The following CNTNAP5 variants were observed in gnomAD, a reference collection of about 807,000 sequenced individuals.
CNTNAP5 encodes contactin associated protein family member 5, also known as contactin-associated protein-like 5.
CNTNAP5 carries 72 observed loss-of-function variants against 150.2 expected under a neutral mutation model. That is an observed-to-expected ratio of 0.48 (90% CI 0.40 to 0.58). CNTNAP5 has a LOEUF of 0.58. Ranked by LOEUF, CNTNAP5 falls within the 20% of genes least tolerant of loss-of-function variation. The pLI, the probability that CNTNAP5 is intolerant of heterozygous loss-of-function variation, is 0.00. For synonymous variants in CNTNAP5, 672 were observed against 619.8 expected, an observed-to-expected ratio of 1.08 and a Z score of -1.25; for missense variants, 1,636 against 1,626.2, an observed-to-expected ratio of 1.01 and a Z score of -0.10.
At chr2:124,275,948 T>C (rs1687873370) in intron 3 of CNTNAP5, among the ~76,000 whole-genome samples, 1 of 152,190 alleles carries the variant, frequency 6.6e-6, no homozygotes, top group Non-Finnish European at 1.5e-5. Flanking sequence ...CCTGCCAAGT[T>C]TGCTGCCAAT....
chr2:124,482,334 C>T (rs139740812), intron 7 of CNTNAP5, among the ~76,000 whole-genome samples: 179 of 152,190 alleles, frequency 1.2e-3, no homozygotes, highest in African/African-American at 4.3e-3. Context: ...TTATTATCCA[C>T]GTTTTATACC....
rs200770909 is a variant in CNTNAP5, at chr2:124,242,212, G to T, written c.200G>T (p.Trp67Leu). The stretch of plus-strand genomic sequence containing the variant: ...GATCCTGTTCCAGGAACTGGCGGTT[G>T]GTCCCCAGCAGATTCCAATGCTCAA... Reference protein sequence around the residue: ...QLNWRVGTGGWSPADSNAQQW... With the variant: ...QLNWRVGTGGLSPADSNAQQW... Residue 67 changes from tryptophan (W) to leucine (L), a missense_variant, in exon 3 of 24, where the codon TGG (tryptophan) becomes TTG (leucine). Coordinates refer to ENST00000682447, the MANE Select transcript of CNTNAP5 (RefSeq NM_001367498.1). The T allele has an allele frequency of 1.9e-6, 3 of 1,589,148 alleles. No homozygotes were observed. Among genetic ancestry groups the T allele is most frequent in the East Asian group, 2.3e-5 (1 of 43,642 alleles).
intron 7 of CNTNAP5, among the ~76,000 whole-genome samples, chr2:124,499,887 T>A (rs1694237237): frequency 6.6e-6 from 1 of 152,124 alleles, no homozygotes; most frequent in African/African-American, 2.4e-5. Flanking sequence ...AGATTTATAA[T>A]GAAAAATTGG....
Position 124,666,972 on chromosome 2 carries a change from G to A in CNTNAP5, c.2077+19014G>A, listed in dbSNP as rs536513198. On this transcript the variant is annotated intron_variant, in intron 13 of 23. Transcript: ENST00000682447. ...AGAACTAAAGGGAGACTATTACTCTGGACATTAAATACACATTTTATGATA... is the reference window on the plus strand; with the variant it reads ...AGAACTAAAGGGAGACTATTACTCTAGACATTAAATACACATTTTATGATA... Among the ~76,000 whole-genome samples, 5 of 152,230 alleles carry A rather than the reference G, an allele frequency of 3.3e-5. No individual in the cohort carries two copies. The South Asian group carries it at 1.0e-3, about 32-fold the overall frequency.
intron 1 of CNTNAP5, among the ~76,000 whole-genome samples, chr2:124,135,480 A>T (rs1391946403): frequency 6.6e-6 from 1 of 152,186 alleles, no homozygotes; most frequent in East Asian, 1.9e-4. Flanking sequence ...GCCCTGGATT[A>T]GTAAGAATGG....
At chr2:124,178,122 C>T (rs1402991057) in intron 1 of CNTNAP5, among the ~76,000 whole-genome samples, 1 of 152,144 alleles carries the variant, frequency 6.6e-6, no homozygotes, top group African/African-American at 2.4e-5. Flanking sequence ...GCTGGGATTA[C>T]AGACCTGAGC....
intron 3 of CNTNAP5, among the ~76,000 whole-genome samples, chr2:124,316,089 C>T (rs1314588693): frequency 6.6e-6 from 1 of 152,158 alleles, no homozygotes; most frequent in Non-Finnish European, 1.5e-5. Flanking sequence ...GCCCTTGACC[C>T]CACCTTCAAC....
Position 124,265,732 on chromosome 2 carries a change from G to A in CNTNAP5, c.381+23339G>A, listed in dbSNP as rs184298622. Among the ~76,000 whole-genome samples the A allele has an allele frequency of 3.5e-3, 531 of 152,172 alleles. 2 individuals carry two copies. The highest frequency in any genetic ancestry group is 6.2e-3 in the Non-Finnish European group (422 of 68,002). On this transcript the variant is annotated intron_variant, in intron 3 of 23. Coordinates refer to ENST00000682447, the MANE Select transcript of CNTNAP5 (RefSeq NM_001367498.1). ...CACACTCTGGCTTATCTAGGTGACC[G>A]AGGGCCGGCCTGGGAGCTAGGGACC...
At chr2:124,546,857 T>C (rs1016230684) in intron 10 of CNTNAP5, among the ~76,000 whole-genome samples, 14 of 152,308 alleles carry the variant, frequency 9.2e-5, no homozygotes, top group African/African-American at 3.1e-4. Flanking sequence ...CTCCCTTTCC[T>C]AGAGATAGTG....
chr2:124,636,029 C>G (rs1677962526), intron 12 of CNTNAP5, among the ~76,000 whole-genome samples: 1 of 152,212 alleles, frequency 6.6e-6, no homozygotes, highest in African/African-American at 2.4e-5. Context: ...GGAAGTTTTG[C>G]TCTCCCTCTT....
intron 11 of CNTNAP5, among the ~76,000 whole-genome samples, chr2:124,577,613 C>T (rs1696313076): frequency 6.6e-6 from 1 of 151,972 alleles, no homozygotes. Context: ...GGAATGTGGG[C>T]AGAAGGGAGA....
intron 13 of CNTNAP5, among the ~76,000 whole-genome samples, chr2:124,731,225 T>C (rs1348314206): frequency 6.6e-6 from 1 of 152,102 alleles, no homozygotes; most frequent in East Asian, 1.9e-4. Flanking sequence ...GCAAACTCAT[T>C]TTGTCTCCTT....
At chr2:124,105,595 C>T (rs1456996241) in intron 1 of CNTNAP5, among the ~76,000 whole-genome samples, 2 of 152,146 alleles carry the variant, frequency 1.3e-5, no homozygotes, top group African/African-American at 4.8e-5. Context: ...CTTGCTTTAT[C>T]TAGATTTTTA....
chr2:124,647,789 C>A lies in CNTNAP5; in HGVS notation c.1908C>A (p.Asn636Lys), dbSNP rs760363439. The change falls in exon 13 of 24, where the codon AAC becomes AAA. Residue 636 changes from asparagine to lysine, a missense_variant. Coordinates refer to ENST00000682447, the MANE Select transcript of CNTNAP5 (RefSeq NM_001367498.1). ...AGATCTGGACATCAGTGCAGCACAA[C>A]AATACAGAGCTGACCCGAGTGCGGG... ...EDKIWTSVQH[N>K]NTELTRVRGA... The A allele has an allele frequency of 6.2e-7, 1 of 1,611,412 alleles. No individual in the cohort carries two copies. Among genetic ancestry groups the A allele is most frequent in the Admixed American group, 1.7e-5 (1 of 59,864 alleles).
chr2:124,648,370 A>G (rs1170912356), intron 13 of CNTNAP5, among the ~76,000 whole-genome samples: 1 of 152,042 alleles, frequency 6.6e-6, no homozygotes, highest in Non-Finnish European at 1.5e-5. Flanking sequence ...CCCGAGAGGG[A>G]TGAGTTATGT....
intron 14 of CNTNAP5, among the ~76,000 whole-genome samples, chr2:124,750,338 C>G (rs1434809820): frequency 6.6e-6 from 1 of 152,146 alleles, no homozygotes. Flanking sequence ...TGGGCAAAGT[C>G]TAGGTGAGAA....
At chr2:124,215,307 C>G (rs1357645761) in intron 1 of CNTNAP5, among the ~76,000 whole-genome samples, 3 of 152,076 alleles carry the variant, frequency 2.0e-5, no homozygotes, top group South Asian at 2.1e-4. Flanking sequence ...ATCTGTAACT[C>G]TATTGGTATT....
At chr2:124,728,957 T>C (rs1055640417) in intron 13 of CNTNAP5, among the ~76,000 whole-genome samples, 1 of 152,090 alleles carries the variant, frequency 6.6e-6, no homozygotes, top group Non-Finnish European at 1.5e-5. Context: ...TAAAGTCTTA[T>C]AAAGGCCCTC....
At chr2:124,329,069 G>C (rs1361163144) in intron 3 of CNTNAP5, among the ~76,000 whole-genome samples, 1 of 152,186 alleles carries the variant, frequency 6.6e-6, no homozygotes, top group Non-Finnish European at 1.5e-5. Context: ...GCTAGGGGAA[G>C]TAAATCGGCC....
Sources: gnomAD v4.1 joint callset for allele counts (sites outside exome capture counted in the v4.1 genomes callset) on GRCh38, gnomAD v4.1.1 for gene constraint, MANE v1.5 for transcripts, NCBI Gene and HGNC (gene_info 2026-07-23, HGNC 2026-07-21) for gene names.